The following CACNA2D1 variants were observed in gnomAD, a reference collection of about 807,000 sequenced individuals.
CACNA2D1 encodes the protein calcium voltage-gated channel auxiliary subunit alpha2delta 1, also known as voltage-dependent calcium channel subunit alpha-2/delta-1.
In CACNA2D1, 53 loss-of-function variants were observed where a neutral mutation model predicts 171.5. That is an observed-to-expected ratio of 0.31 (90% CI 0.25 to 0.39). The LOEUF (loss-of-function observed/expected upper bound fraction) is 0.39, where lower values mean the gene tolerates loss of function less well. CACNA2D1 is among the 10% of genes least tolerant of loss of function. The pLI is 1.00. For missense variants in CACNA2D1, 903 were observed against 1,299.8 expected (o/e 0.69, Z 4.69); for synonymous variants, 442 against 443.1 (o/e 1.00, Z 0.03).
intron 9 of CACNA2D1, among the ~76,000 whole-genome samples, chr7:82,063,558 T>C (rs1807220914): frequency 7.5e-6 from 1 of 132,496 alleles, no homozygotes; most frequent in Admixed American, 7.4e-5. Flanking sequence ...GAGACAAAGA[T>C]TTTTTTTTTT....
At chr7:82,330,129 G>A (rs1002042907) in intron 3 of CACNA2D1, among the ~76,000 whole-genome samples, 15 of 151,730 alleles carry the variant, frequency 9.9e-5, no homozygotes, top group Admixed American at 7.9e-4. Context: ...TTTTGATATC[G>A]TTTTATCTTT....
intron 4 of CACNA2D1, among the ~76,000 whole-genome samples, chr7:82,144,184 T>A (rs555967209): frequency 7.4e-6 from 1 of 135,624 alleles, no homozygotes; most frequent in East Asian, 2.6e-4. Flanking sequence ...ATAGGAAAAA[T>A]CATTTTTTTT....
chr7:82,204,731 G>A (rs1024067387), intron 3 of CACNA2D1, among the ~76,000 whole-genome samples: 23 of 152,248 alleles, frequency 1.5e-4, no homozygotes, highest in Middle Eastern at 3.4e-3. Flanking sequence ...TTGGACCTGT[G>A]TGTCCAGGGC....
chr7:82,384,256 G>A (rs995183972), intron 1 of CACNA2D1, among the ~76,000 whole-genome samples: 3 of 152,172 alleles, frequency 2.0e-5, no homozygotes, highest in Admixed American at 1.3e-4. Flanking sequence ...CAGTGTGTCC[G>A]TATTTGGAGA....
At chr7:82,155,249 T>C (rs765884526) in intron 4 of CACNA2D1, among the ~76,000 whole-genome samples, 5 of 152,172 alleles carry the variant, frequency 3.3e-5, no homozygotes, top group Non-Finnish European at 5.9e-5. Flanking sequence ...ATCAGGTATT[T>C]CTTTATAGCA....
chr7:81,978,173 G>A (rs1322728476), intron 24 of CACNA2D1, among the ~76,000 whole-genome samples: 1 of 152,214 alleles, frequency 6.6e-6, no homozygotes, highest in Non-Finnish European at 1.5e-5. Context: ...GTGGAAGACA[G>A]TGTGGCGATT....
rs531699685 is a variant in CACNA2D1 at position 82,082,962 on chromosome 7, T to C, written c.658+1807A>G. ...AAGAGCCATTTTTGAAAAGGGTTCA[T>C]AATACAACTTATCTTTCCATCCATC... On this transcript the variant is annotated intron_variant, in intron 7 of 38. Transcript: ENST00000356860. Among the ~76,000 whole-genome samples the C allele has an allele frequency of 1.8e-4, 27 of 152,238 alleles. No individual in the cohort carries two copies. The South Asian group carries it at 5.6e-3, about 32-fold the overall frequency.
intron 10 of CACNA2D1, among the ~76,000 whole-genome samples, chr7:82,042,424 T>C (rs1188351181): frequency 2.0e-5 from 3 of 152,160 alleles, no homozygotes; most frequent in Admixed American, 1.3e-4. Context: ...TGAAAAGAGA[T>C]TGAAGGAGCT....
At chr7:82,209,512 C>A (rs1174930455) in intron 3 of CACNA2D1, among the ~76,000 whole-genome samples, 1 of 152,104 alleles carries the variant, frequency 6.6e-6, no homozygotes, top group African/African-American at 2.4e-5. Flanking sequence ...AGAAAGCAGA[C>A]AACATATACC....
At chr7:82,085,682 AAT>A (rs1382273576) in intron 6 of CACNA2D1, among the ~76,000 whole-genome samples, 2 of 147,472 alleles carry the variant, frequency 1.4e-5, no homozygotes, top group Admixed American at 6.7e-5. Flanking sequence ...CTTCATAAAC[AAT>A]AGTTTTTTTT....
chr7:82,143,867 A>AT (rs1285570434), intron 4 of CACNA2D1, among the ~76,000 whole-genome samples: 1 of 152,188 alleles, frequency 6.6e-6, no homozygotes, highest in Non-Finnish European at 1.5e-5. Flanking sequence ...AGGAGTTTCT[A>AT]TGTTTTAAAA....
In CACNA2D1 at chr7:82,064,294, A is replaced by AT; in HGVS notation, c.779+9_779+10insA. The AT allele has an allele frequency of 6.4e-7, 1 of 1,570,342 alleles. No homozygotes were observed. Among genetic ancestry groups the AT allele is most frequent in the Non-Finnish European group, 8.8e-7 (1 of 1,140,976 alleles). ...CTCAATATATAAATAAGTAGTATTT[A>AT]ACAACTCACACATCCACCAGAATAA... On this transcript the variant is annotated intron_variant, in intron 9 of 38. Coordinates refer to ENST00000356860, the MANE Select transcript of CACNA2D1 (RefSeq NM_000722.4).
chr7:82,162,959 G>A (rs1795096319), intron 4 of CACNA2D1, among the ~76,000 whole-genome samples: 2 of 151,862 alleles, frequency 1.3e-5, no homozygotes, highest in South Asian at 4.1e-4. Context: ...AGCCCTTTAG[G>A]AAGAAAACTC....
At chr7:82,158,100 T>C (rs1160220531) in intron 4 of CACNA2D1, among the ~76,000 whole-genome samples, 1 of 151,994 alleles carries the variant, frequency 6.6e-6, no homozygotes. Flanking sequence ...TCTATTTTGA[T>C]AAACTGGATA....
At chr7:82,076,727 C>T (rs996728625) in intron 7 of CACNA2D1, among the ~76,000 whole-genome samples, 1 of 152,048 alleles carries the variant, frequency 6.6e-6, no homozygotes, top group Non-Finnish European at 1.5e-5. Context: ...TGGTACTTTG[C>T]CTACACATTA....
intron 6 of CACNA2D1, among the ~76,000 whole-genome samples, chr7:82,099,767 G>A (rs1812444807): frequency 6.6e-6 from 1 of 152,100 alleles, no homozygotes; most frequent in East Asian, 1.9e-4. Flanking sequence ...TTCTTAAACA[G>A]GAAGGTAGGA....
intron 6 of CACNA2D1, among the ~76,000 whole-genome samples, chr7:82,094,849 G>A (rs1016480189): frequency 3.3e-5 from 5 of 151,686 alleles, no homozygotes; most frequent in Admixed American, 6.6e-5. Context: ...AGCTATCCTC[G>A]TTTCTGCTCC....
At chr7:82,306,997 A>T (rs1813818419) in intron 3 of CACNA2D1, among the ~76,000 whole-genome samples, 2 of 152,066 alleles carry the variant, frequency 1.3e-5, no homozygotes. Flanking sequence ...TGGTTTCTCC[A>T]TGGGATCTGC....
At chr7:82,109,312 T>C (rs1476271872) in intron 6 of CACNA2D1, among the ~76,000 whole-genome samples, 1 of 152,206 alleles carries the variant, frequency 6.6e-6, no homozygotes, top group Middle Eastern at 3.2e-3. Flanking sequence ...TTTATGATTC[T>C]ATTGTGATCC....
Sources: gnomAD v4.1 joint callset for allele counts (sites outside exome capture counted in the v4.1 genomes callset) on GRCh38, gnomAD v4.1.1 for gene constraint, MANE v1.5 for transcripts, NCBI Gene and HGNC (gene_info 2026-07-23, HGNC 2026-07-21) for gene names.